Variants in LUZP2 observed in about 807,000 individuals in gnomAD.
LUZP2 encodes leucine zipper protein 2.
In LUZP2, 52 loss-of-function variants were observed where a neutral mutation model predicts 51.6. The ratio of observed to expected loss-of-function variants is 1.01; its 90% CI spans 0.81 to 1.27. The LOEUF is 1.27. LUZP2 is among the 50% of genes most tolerant of loss of function. The probability of loss-of-function intolerance (pLI) is 0.00; values close to 1 mark genes in which losing one functional copy is unlikely to be tolerated. For missense variants in LUZP2, 436 were observed against 395.4 expected, an observed-to-expected ratio of 1.10 and a Z score of -0.87; for synonymous variants, 154 against 137.3, an observed-to-expected ratio of 1.12 and a Z score of -0.85.
chr11:25,076,199 CTTGTTTTCGTTT>C (rs1325628321), intron 10 of LUZP2, among the ~76,000 whole-genome samples: 5 of 151,456 alleles, frequency 3.3e-5, no homozygotes, highest in Admixed American at 6.6e-5. Context: ...TGTTTTTGTT[CTTGTTTTCGTTT>C]TTGTTTTTGT....
chr11:24,704,579 C>A (rs79667235), intron 1 of LUZP2, among the ~76,000 whole-genome samples: 4,099 of 151,746 alleles, frequency 0.027, 78 homozygotes, highest in Non-Finnish European at 0.034. Flanking sequence ...AATTTAAATT[C>A]TCTCATGTAT....
At chr11:24,877,609 T>C (rs1852314769) in intron 5 of LUZP2, among the ~76,000 whole-genome samples, 1 of 152,176 alleles carries the variant, frequency 6.6e-6, no homozygotes, top group African/African-American at 2.4e-5. Context: ...AATTATACTC[T>C]TAGTTATTTT....
At chr11:24,694,936 G>A (rs543867555) in intron 1 of LUZP2, among the ~76,000 whole-genome samples, 3 of 151,614 alleles carry the variant, frequency 2.0e-5, no homozygotes, top group Non-Finnish European at 2.9e-5. Flanking sequence ...CTGTGTAGGG[G>A]GCAAGGGGAG....
chr11:24,984,549 T>TATATATATATATATAA (rs60530495), intron 9 of LUZP2, among the ~76,000 whole-genome samples: 10,184 of 70,976 alleles, frequency 0.14, 1,051 homozygotes, highest in Non-Finnish European at 0.17. Context: ...TATATATATA[T>TATATATATATATATAA]AATTGTGAAT....
intron 1 of LUZP2, among the ~76,000 whole-genome samples, chr11:24,524,204 TA>T (rs1418766564): frequency 2.0e-5 from 3 of 151,790 alleles, no homozygotes; most frequent in Admixed American, 6.6e-5. Context: ...CGTATTAAAA[TA>T]TTTTTTTAAT....
intron 4 of LUZP2, among the ~76,000 whole-genome samples, chr11:24,756,023 G>T (rs910157639): frequency 6.6e-6 from 1 of 152,060 alleles, no homozygotes; most frequent in African/African-American, 2.4e-5. Context: ...GTCAGCTTCT[G>T]TGGCGGCTTC....
chr11:25,003,818 G>A (rs962043437), intron 9 of LUZP2, among the ~76,000 whole-genome samples: 1 of 152,146 alleles, frequency 6.6e-6, no homozygotes, highest in Non-Finnish European at 1.5e-5. Context: ...CCATATTCAT[G>A]TAGATAATAA....
chr11:24,777,489 C>G (rs12802394), intron 5 of LUZP2, among the ~76,000 whole-genome samples: 17,985 of 152,030 alleles, frequency 0.12, 1,278 homozygotes, highest in East Asian at 0.39. Context: ...AGTATAAACA[C>G]TATAAAAATC....
intron 5 of LUZP2, among the ~76,000 whole-genome samples, chr11:24,822,450 T>C (rs577717040): frequency 1.3e-5 from 2 of 152,266 alleles, no homozygotes; most frequent in Admixed American, 6.5e-5. Context: ...TGTGTGTTCA[T>C]TGTGTGTGCA....
intron 7 of LUZP2, among the ~76,000 whole-genome samples, chr11:24,940,433 G>T (rs1590754928): frequency 1.3e-5 from 2 of 152,236 alleles, no homozygotes; most frequent in Middle Eastern, 6.8e-3. Flanking sequence ...AAGGCAGGAA[G>T]GTGTAGCATT....
At chr11:24,836,413 G>T (rs1463262978) in intron 5 of LUZP2, among the ~76,000 whole-genome samples, 4 of 151,824 alleles carry the variant, frequency 2.6e-5, no homozygotes, top group African/African-American at 9.7e-5. Flanking sequence ...TTTCCAACTA[G>T]TGAAATTAAA....
At chr11:24,942,466 C>A (rs1565139408) in intron 7 of LUZP2, among the ~76,000 whole-genome samples, 1 of 152,114 alleles carries the variant, frequency 6.6e-6, no homozygotes, top group Non-Finnish European at 1.5e-5. Flanking sequence ...TTGTTGAATA[C>A]TTTTCATGTG....
intron 1 of LUZP2, among the ~76,000 whole-genome samples, chr11:24,712,816 A>G (rs749123939): frequency 1.1e-4 from 17 of 152,190 alleles, no homozygotes; most frequent in Non-Finnish European, 1.9e-4. Context: ...TTTCTTTCCA[A>G]ATATTTTTAT....
chr11:24,705,512 T>G (rs139596351), intron 1 of LUZP2, among the ~76,000 whole-genome samples: 3 of 152,302 alleles, frequency 2.0e-5, no homozygotes, highest in Admixed American at 2.0e-4. Context: ...CTCTGTACAT[T>G]TATTGATGCA....
chr11:24,599,869 T>G (rs1315168763), intron 1 of LUZP2, among the ~76,000 whole-genome samples: 2 of 152,170 alleles, frequency 1.3e-5, no homozygotes, highest in East Asian at 1.9e-4. Flanking sequence ...CATTGCAATT[T>G]TTCACGACTC....
chr11:24,654,760 G>C (rs1021412686), intron 1 of LUZP2, among the ~76,000 whole-genome samples: 2 of 151,344 alleles, frequency 1.3e-5, no homozygotes, highest in South Asian at 4.2e-4. Flanking sequence ...TCTGGCCTTA[G>C]GTGATCCACC....
At chr11:24,867,338 T>C (rs1452137627) in intron 5 of LUZP2, among the ~76,000 whole-genome samples, 1 of 152,170 alleles carries the variant, frequency 6.6e-6, no homozygotes, top group Non-Finnish European at 1.5e-5. Flanking sequence ...TTTGCTATGT[T>C]GTTCCTTTCA....
At chr11:24,913,565 C>A (rs1590721734) in intron 6 of LUZP2, among the ~76,000 whole-genome samples, 1 of 151,990 alleles carries the variant, frequency 6.6e-6, no homozygotes, top group Admixed American at 6.6e-5. Context: ...TTAATTTTAT[C>A]AGAAACTGTC....
chr11:24,997,504 A>C (rs1376228942), intron 9 of LUZP2, among the ~76,000 whole-genome samples: 2 of 152,168 alleles, frequency 1.3e-5, no homozygotes, highest in Admixed American at 6.5e-5. Context: ...AGTTCATTGT[A>C]GGTTCTAGAT....
Sources: gnomAD v4.1 joint callset for allele counts (sites outside exome capture counted in the v4.1 genomes callset) on GRCh38, gnomAD v4.1.1 for gene constraint, MANE v1.5 for transcripts, NCBI Gene and HGNC (gene_info 2026-07-23, HGNC 2026-07-21) for gene names.